The following PDK3 variants were observed in gnomAD, a reference collection of about 807,000 sequenced individuals.
PDK3 encodes pyruvate dehydrogenase kinase, isozyme 3.
In PDK3, 12 loss-of-function variants were observed where a neutral mutation model predicts 32.0. The ratio of observed to expected loss-of-function variants is 0.37; its 90% CI spans 0.24 to 0.61. The LOEUF is 0.61. Ranked by LOEUF, PDK3 falls within the 20% of genes least tolerant of loss-of-function variation. The pLI, the probability that PDK3 is intolerant of heterozygous loss-of-function variation, is 0.65. For synonymous variants in PDK3, 122 were observed against 116.3 expected (o/e 1.05, Z -0.31); for missense variants, 188 against 316.9 (o/e 0.59, Z 3.09).
intron 3 of PDK3, among the ~76,000 whole-genome samples, chrX:24,503,092 A>G (rs1921901612): frequency 8.9e-6 from 1 of 111,938 alleles, no homozygotes; most frequent in Non-Finnish European, 1.9e-5. Flanking sequence ...TCTGTACTAG[A>G]ACCTTTTACT....
chrX:24,469,128 A>G lies in PDK3; in HGVS notation c.106+3567A>G, dbSNP rs144797472. On this transcript the variant is annotated intron_variant, in intron 1 of 10. Transcript: ENST00000379162. ...CCAGAATTTATTAGCAACTTTCCCT[A>G]TTGATGGCTACAATTAATAGGTTGT... 3.4e-3 allele frequency among the ~76,000 whole-genome samples: 386 copies of G among 111,966 alleles called. 2 individuals are homozygous for G. The highest frequency in any genetic ancestry group is 0.012 in the African/African-American group (375 of 30,788).
At chrX:24,484,234 G>A (rs934648324) in intron 1 of PDK3, among the ~76,000 whole-genome samples, 4 of 110,459 alleles carry the variant, frequency 3.6e-5, no homozygotes, top group Non-Finnish European at 7.6e-5. Flanking sequence ...GGCTGATCTC[G>A]AACATCTGAG....
downstream of PDK3, among the ~76,000 whole-genome samples, chrX:24,535,935 AAAGGAAGGAAAAG>A (rs1369949238): frequency 3.9e-5 from 4 of 103,572 alleles, no homozygotes; most frequent in African/African-American, 1.1e-4. Context: ...AGAAGGAAGG[AAAGGAAGGAAAAG>A]AAGGAAGGAA....
At chrX:24,486,582 G>A (rs763567988) in intron 1 of PDK3, among the ~76,000 whole-genome samples, 2 of 111,420 alleles carry the variant, frequency 1.8e-5, no homozygotes, top group African/African-American at 3.3e-5. Flanking sequence ...TAAAGTGTGC[G>A]TGAAATCCCC....
rs1393795323 is a variant in PDK3 at position 24,532,001 on chromosome X, C to T, written c.1077+231C>T. Among the ~76,000 whole-genome samples the T allele has an allele frequency of 3.6e-5, 4 of 112,162 alleles. No homozygotes were observed. In the East Asian group the frequency reaches 1.1e-3, roughly 31 times the overall value. The stretch of plus-strand genomic sequence containing the variant: ...CTGATTTTGGCCGGGCGTGGTGGCA[C>T]ATGCCTGTAATCTCAGGACTTTGGG... On this transcript the variant is annotated intron_variant, in intron 10 of 10. Transcript: ENST00000379162.
rs141988292 is a variant in PDK3, at chrX:24,494,815, A to G, written c.180A>G (p.Thr60=). The G allele has an allele frequency of 7.5e-6, 9 of 1,201,641 alleles. No individual in the cohort carries two copies. In the African/African-American group the frequency reaches 1.0e-4, roughly 14 times the overall value. The change falls in exon 2 of 11, where the codon ACA becomes ACG. Residue 60 remains threonine (T), a synonymous_variant. Coordinates refer to ENST00000379162, the MANE Select transcript of PDK3 (RefSeq NM_005391.5). ...RKELPVRLAN[T]MREVNLLPDN... Reference sequence around the variant, plus strand: ...AACTTCCTGTGCGGCTGGCTAACACAATGAGAGAAGTTAATCTTCTGCCGG... The same window carrying G: ...AACTTCCTGTGCGGCTGGCTAACACGATGAGAGAAGTTAATCTTCTGCCGG...
At chrX:24,546,435 G>A (rs190701548) in exon 12 of PDK3, 25 of 112,126 alleles carry the variant, frequency 2.2e-4, no homozygotes, top group African/African-American at 8.1e-4. Flanking sequence ...TTCAGAGGTG[G>A]AGGAAAGGAT....
chrX:24,525,830 CT>C, intron 6 of PDK3, among the ~76,000 whole-genome samples: 1 of 112,428 alleles, frequency 8.9e-6, no homozygotes. Flanking sequence ...GGAATTCCCC[CT>C]GGGGTCAGTG....
chrX:24,488,275 C>G (rs139175113), intron 1 of PDK3, among the ~76,000 whole-genome samples: 2 of 111,861 alleles, frequency 1.8e-5, no homozygotes, highest in African/African-American at 6.5e-5. Context: ...ATTTCTGTGT[C>G]TATTCACCCT....
chrX:24,505,760 C>A (rs1438331737), intron 5 of PDK3, among the ~76,000 whole-genome samples: 1 of 111,856 alleles, frequency 8.9e-6, no homozygotes, highest in East Asian at 2.8e-4. Flanking sequence ...GACATTGTTC[C>A]AGTATCCTCC....
In PDK3 at chrX:24,526,184, GTC is replaced by G. The variant is rs765338479; in HGVS notation, c.674-10_674-9del. 4 of 1,176,985 alleles carry G rather than the reference GTC, an allele frequency of 3.4e-6. No individual in the cohort carries two copies. In the African/African-American group the frequency reaches 5.3e-5, roughly 16 times the overall value. ...TGGGTCCTTATTGATTGATGGTTTT[GTC>G]TCTGTTTTCAGCCAAAGCGCCAGAC... is the stretch of plus-strand genomic sequence containing the variant. On this transcript the variant is annotated splice_polypyrimidine_tract_variant and intron_variant, in intron 6 of 10. Transcript: ENST00000379162.
At chrX:24,472,659 A>G (rs1327129812) in intron 1 of PDK3, among the ~76,000 whole-genome samples, 18 of 100,651 alleles carry the variant, frequency 1.8e-4, no homozygotes, top group Non-Finnish European at 3.4e-4. Context: ...TATATGGCTT[A>G]CATATTTCTT....
chrX:24,532,139 G>T (rs1032516279), intron 10 of PDK3, among the ~76,000 whole-genome samples: 1 of 110,548 alleles, frequency 9.0e-6, no homozygotes, highest in Admixed American at 9.6e-5. Flanking sequence ...GGTGGTGCAC[G>T]CCTGTAGTCC....
chrX:24,546,791 C>T (rs1923005603), exon 12 of PDK3: 1 of 111,883 alleles, frequency 8.9e-6, no homozygotes, highest in Non-Finnish European at 1.9e-5. Context: ...GTTTAATTAT[C>T]CCCAGAGGTA....
intron 5 of PDK3, among the ~76,000 whole-genome samples, chrX:24,510,612 C>CCAGCACTATTTTGAT (rs766243323): frequency 8.9e-6 from 1 of 112,072 alleles, no homozygotes; most frequent in South Asian, 3.7e-4. Context: ...TTGAATTTCT[C>CCAGCACTATTTTGAT]TATCTCCAGC....
intron 3 of PDK3, among the ~76,000 whole-genome samples, chrX:24,500,830 G>A (rs753914571): frequency 9.0e-6 from 1 of 111,675 alleles, no homozygotes; most frequent in Non-Finnish European, 1.9e-5. Context: ...AGAAGAGCCC[G>A]GAAGATTGGA....
chrX:24,539,693 CT>C (rs1922849593), exon 12 of PDK3: 1 of 112,676 alleles, frequency 8.9e-6, no homozygotes, highest in African/African-American at 3.2e-5. Flanking sequence ...ATGATTTAGA[CT>C]TTTGCCTTCT....
At chrX:24,499,117 T>A in intron 3 of PDK3, 1 of 285,617 alleles carries the variant, frequency 3.5e-6, no homozygotes, top group Non-Finnish European at 6.2e-6. Context: ...GTTTTGCTTT[T>A]ATGATCTAAT....
At chrX:24,529,668 A>C (rs111330196) in intron 9 of PDK3, among the ~76,000 whole-genome samples, 5,552 of 109,548 alleles carry the variant, frequency 0.051, 154 homozygotes, top group Middle Eastern at 0.09. Flanking sequence ...CTGAGGCACA[A>C]GAATGGCTTG....
Sources: allele counts gnomAD v4.1 joint callset (sites outside exome capture counted in the v4.1 genomes callset), GRCh38; gene constraint gnomAD v4.1.1; transcripts MANE v1.5; gene names NCBI Gene and HGNC (gene_info 2026-07-23, HGNC 2026-07-21).